Variants in ELMOD2 observed in about 807,000 individuals in gnomAD.
The protein encoded by ELMOD2 is ELMO domain containing 2.
Under a neutral mutation model 41.0 loss-of-function variants are expected in ELMOD2, and 28 were observed. The observed-to-expected ratio is 0.68, with a 90% CI of 0.51 to 0.94. ELMOD2 has a LOEUF of 0.94. Ranked by LOEUF, ELMOD2 falls within the 40% of genes least tolerant of loss-of-function variation. The probability of loss-of-function intolerance (pLI) is 0.00; values close to 1 mark genes in which losing one functional copy is unlikely to be tolerated. For missense variants in ELMOD2, 333 were observed against 343.1 expected (o/e 0.97, Z 0.23); for synonymous variants, 106 against 107.2 (o/e 0.99, Z 0.07).
chr4:140,546,884 C>T (rs1735307528), intron 8 of ELMOD2, among the ~76,000 whole-genome samples: 2 of 152,090 alleles, frequency 1.3e-5, no homozygotes, highest in South Asian at 4.1e-4. Flanking sequence ...CTCCTGTCAG[C>T]TCAATCTATA....
At chr4:140,548,495 A>C (rs1340438994) in intron 8 of ELMOD2, among the ~76,000 whole-genome samples, 2 of 152,142 alleles carry the variant, frequency 1.3e-5, no homozygotes, top group Non-Finnish European at 2.9e-5. Context: ...TCAGTGTGGG[A>C]ATATGATGAT....
At chr4:140,538,328 T>C (rs1474884545) in intron 5 of ELMOD2, among the ~76,000 whole-genome samples, 1 of 152,154 alleles carries the variant, frequency 6.6e-6, no homozygotes, top group Non-Finnish European at 1.5e-5. Context: ...AAATAGCGCA[T>C]TGCAGTTGGA....
At position 140,537,512 on chromosome 4, in the gene ELMOD2, A is replaced by C. The variant is rs1423057826; in HGVS notation, c.370A>C (p.Asn124His). ...SVRKRPYDSD[N>H]LQHEELLMKL... Reference sequence around the variant, plus strand: ...GAGGAAAAGGCCATATGATTCTGATAACCTACAGCATGAAGAGCTACTCAT... The same window carrying C: ...GAGGAAAAGGCCATATGATTCTGATCACCTACAGCATGAAGAGCTACTCAT... Residue 124 changes from asparagine (N) to histidine (H), a missense_variant, in exon 5 of 9, where the codon AAC becomes CAC. Coordinates refer to ENST00000323570, the MANE Select transcript of ELMOD2 (RefSeq NM_153702.4). The C allele has an allele frequency of 1.3e-6, 2 of 1,600,002 alleles. No individual in the cohort carries two copies. Among genetic ancestry groups the C allele is most frequent in the South Asian group, 1.1e-5 (1 of 87,566 alleles).
intron 8 of ELMOD2, among the ~76,000 whole-genome samples, chr4:140,544,655 C>T (rs1303093973): frequency 3.9e-5 from 6 of 152,062 alleles, no homozygotes; most frequent in Non-Finnish European, 7.4e-5. Flanking sequence ...ACCAGCCCCC[C>T]TCTCACCCCC....
At chr4:140,532,449 G>A (rs1734782668) in intron 3 of ELMOD2, among the ~76,000 whole-genome samples, 1 of 152,130 alleles carries the variant, frequency 6.6e-6, no homozygotes, top group Non-Finnish European at 1.5e-5. Context: ...TTACAGGCAT[G>A]AGCCATTGCA....
intron 4 of ELMOD2, among the ~76,000 whole-genome samples, chr4:140,536,908 A>G (rs560252039): frequency 4.0e-4 from 61 of 152,256 alleles, no homozygotes; most frequent in African/African-American, 1.4e-3. Context: ...ATCTTTTGAT[A>G]CATTGTGATG....
At chr4:140,527,696 A>T in intron 3 of ELMOD2, 2 of 518,912 alleles carry the variant, frequency 3.9e-6, no homozygotes, top group Non-Finnish European at 3.4e-6. Context: ...ATACTTGAAT[A>T]ATTTGTCCTG....
intron 3 of ELMOD2, 193 bp downstream of exon 3, chr4:140,527,687 T>G: frequency 1.9e-6 from 1 of 528,094 alleles, no homozygotes; most frequent in Non-Finnish European, 3.4e-6. Context: ...TCAAAGAAAA[T>G]ACTTGAATAA....
At chr4:140,528,484 G>A (rs1358644907) in intron 3 of ELMOD2, among the ~76,000 whole-genome samples, 1 of 151,956 alleles carries the variant, frequency 6.6e-6, no homozygotes, top group Non-Finnish European at 1.5e-5. Flanking sequence ...GTCATAATAT[G>A]GTTAAATATA....
chr4:140,534,426 T>A (rs1734847913), intron 3 of ELMOD2, among the ~76,000 whole-genome samples: 3 of 152,152 alleles, frequency 2.0e-5, no homozygotes, highest in Non-Finnish European at 4.4e-5. Flanking sequence ...AAACGAACTT[T>A]CTGGGATGAT....
chr4:140,525,232 T>G, intron 1 of ELMOD2, 188 bp from the exon 2 acceptor site: 1 of 482,934 alleles, frequency 2.1e-6, no homozygotes, highest in Non-Finnish European at 3.5e-6. Flanking sequence ...AATTGGCCAT[T>G]TGATCATCAA....
chr4:140,550,431 A>G lies in ELMOD2; in HGVS notation c.*56A>G. 2 of 1,479,560 alleles carry G rather than the reference A, an allele frequency of 1.4e-6. No individual in the cohort carries two copies. The highest frequency in any genetic ancestry group is 2.5e-5 in the South Asian group (2 of 78,762). 91.7% of individuals were successfully genotyped at this position (1,479,560 alleles called of 1,614,324 possible). A position where few individuals can be genotyped will look rare whatever the true frequency, so the allele number is the denominator to read the frequency against. On this transcript the variant is annotated 3_prime_UTR_variant, in exon 9 of 9. Coordinates refer to ENST00000323570, the MANE Select transcript of ELMOD2 (RefSeq NM_153702.4). ...ATTTTGCACATTCAACAGAATTTAT[A>G]TGTTGTAATAGGAATTATCTGATCA...
At chr4:140,534,873 A>C (rs2110842563) in intron 3 of ELMOD2, among the ~76,000 whole-genome samples, 1 of 152,320 alleles carries the variant, frequency 6.6e-6, no homozygotes, top group African/African-American at 2.4e-5. Flanking sequence ...TCACAGAGGA[A>C]GTGACATTGA....
chr4:140,542,868 A>G (rs779232905), intron 7 of ELMOD2, among the ~76,000 whole-genome samples: 20 of 152,000 alleles, frequency 1.3e-4, no homozygotes, highest in Non-Finnish European at 2.8e-4. Flanking sequence ...TATCTATACA[A>G]TGGAGATAAG....
At chr4:140,532,352 A>G (rs1033901863) in intron 3 of ELMOD2, among the ~76,000 whole-genome samples, 3 of 152,042 alleles carry the variant, frequency 2.0e-5, no homozygotes, top group Admixed American at 6.6e-5. Flanking sequence ...TTTTTAATAG[A>G]GACAGGGTTT....
At chr4:140,544,023 TG>T (rs1735189245) in intron 8 of ELMOD2, among the ~76,000 whole-genome samples, 2 of 152,108 alleles carry the variant, frequency 1.3e-5, no homozygotes, top group African/African-American at 4.8e-5. Context: ...AATTTTCTTG[TG>T]GTAGGTTAGA....
At position 140,552,089 on chromosome 4, in the gene ELMOD2, A is replaced by T. The variant is rs191229324; in HGVS notation, c.*1714A>T. ...GTCCAGCTATACAATATGTCGCAAA[A>T]TCCTGACAAGTTCATTGTATTAAGG... On this transcript the variant is annotated 3_prime_UTR_variant, in exon 9 of 9. Coordinates refer to ENST00000323570, the MANE Select transcript of ELMOD2 (RefSeq NM_153702.4). 1.1e-4 allele frequency: 16 copies of T among 152,156 alleles called. No individual in the cohort carries two copies. The highest frequency in any genetic ancestry group is 3.6e-4 in the African/African-American group (15 of 41,544). 9.4% of individuals were successfully genotyped at this position (152,156 alleles called of 1,614,324 possible).
chr4:140,540,274 TG>T lies in ELMOD2; in HGVS notation c.509del (p.Gly170AlafsTer5). On this transcript the variant is annotated frameshift_variant, in exon 6 of 9. Coordinates refer to ENST00000323570, the MANE Select transcript of ELMOD2 (RefSeq NM_153702.4). LOFTEE classifies it high-confidence loss of function. Reference protein sequence around the residue: ...GDDPKTDFRGMGILGLINLVY... With the variant: ...GDDPKTDFRGXGILGLINLVY... ...GATCCCAAGACAGACTTCAGAGGCA[TG>T]GGCATACTTGGGTTAATCAATCTTG... The T allele has an allele frequency of 6.2e-7, 1 of 1,614,008 alleles. No individual in the cohort carries two copies. The highest frequency in any genetic ancestry group is 8.5e-7 in the Non-Finnish European group (1 of 1,179,972).
At position 140,542,566 on chromosome 4, in the gene ELMOD2, CT is replaced by C. The variant is rs770658001; in HGVS notation, c.534-3del. On this transcript the variant is annotated splice_polypyrimidine_tract_variant and splice_region_variant and intron_variant, in intron 6 of 8. Coordinates refer to ENST00000323570, the MANE Select transcript of ELMOD2 (RefSeq NM_153702.4). ...CATTTGTTTGATTATTTTTCTTAAACTTTTTAGGTATTTCAGTGAAAATTAC... is the reference window on the plus strand; with the variant it reads ...CATTTGTTTGATTATTTTTCTTAAACTTTTAGGTATTTCAGTGAAAATTAC... 4 of 1,591,492 alleles carry C rather than the reference CT, an allele frequency of 2.5e-6. No homozygotes were observed. The Admixed American group carries it at 6.9e-5, about 27-fold the overall frequency.
Sources: gnomAD v4.1 joint callset for allele counts (sites outside exome capture counted in the v4.1 genomes callset) on GRCh38, gnomAD v4.1.1 for gene constraint, MANE v1.5 for transcripts, NCBI Gene and HGNC (gene_info 2026-07-23, HGNC 2026-07-21) for gene names.